CDYL2: variants seen among roughly 807,000 people sequenced by gnomAD.
CDYL2 encodes chromodomain Y like 2.
Under a neutral mutation model 49.4 loss-of-function variants are expected in CDYL2, and 23 were observed. The ratio of observed to expected loss-of-function variants is 0.47; its 90% confidence interval spans 0.34 to 0.66. CDYL2 has a LOEUF of 0.66. CDYL2 is among the 30% of genes least tolerant of loss of function. The pLI, the probability that CDYL2 is intolerant of heterozygous loss-of-function variation, is 0.01. For synonymous variants in CDYL2, 360 were observed against 268.8 expected (o/e 1.34, Z -3.32); for missense variants, 678 against 656.4 (o/e 1.03, Z -0.36).
intron 1 of CDYL2, among the ~76,000 whole-genome samples, chr16:80,715,990 T>C (rs1904785890): frequency 6.6e-6 from 1 of 152,258 alleles, no homozygotes; most frequent in Admixed American, 6.5e-5. Context: ...GGTTACGCCC[T>C]TGGGCAGAGA....
chr16:80,759,102 C>CTATA (rs59240300), intron 1 of CDYL2, among the ~76,000 whole-genome samples: 2,971 of 63,248 alleles, frequency 0.047, 134 homozygotes, highest in Middle Eastern at 0.064. Context: ...AAACCATATA[C>CTATA]TATATATATA....
At chr16:80,670,042 C>A (rs552461191) in intron 2 of CDYL2, among the ~76,000 whole-genome samples, 74 of 152,364 alleles carry the variant, frequency 4.9e-4, no homozygotes, top group African/African-American at 1.7e-3. Flanking sequence ...GCACAACAAC[C>A]TCATCAAGTA....
chr16:80,721,590 C>T (rs1162878723), intron 1 of CDYL2, among the ~76,000 whole-genome samples: 1 of 152,222 alleles, frequency 6.6e-6, no homozygotes, highest in African/African-American at 2.4e-5. Context: ...TGACCACTTT[C>T]TTCTAAGCAG....
chr16:80,762,720 C>T (rs1906574291), intron 1 of CDYL2, among the ~76,000 whole-genome samples: 1 of 152,144 alleles, frequency 6.6e-6, no homozygotes, highest in Non-Finnish European at 1.5e-5. Flanking sequence ...GTGGAAAATT[C>T]ATGTCATCAA....
intron 1 of CDYL2, among the ~76,000 whole-genome samples, chr16:80,803,703 AACCCCCGCCCCAC>A (rs1186921389): frequency 1.7e-5 from 2 of 117,658 alleles, no homozygotes; most frequent in Non-Finnish European, 3.6e-5. Flanking sequence ...CGGGCCGCGC[AACCCCCGCCCCAC>A]ACCCCCGCCG....
chr16:80,705,597 A>G (rs1028956470), intron 1 of CDYL2, among the ~76,000 whole-genome samples: 13 of 152,236 alleles, frequency 8.5e-5, no homozygotes, highest in African/African-American at 3.1e-4. Flanking sequence ...GCTATTATGA[A>G]TATTTTCCAC....
chr16:80,776,521 G>A (rs922369017), intron 1 of CDYL2, among the ~76,000 whole-genome samples: 2 of 151,158 alleles, frequency 1.3e-5, no homozygotes, highest in African/African-American at 2.4e-5. Flanking sequence ...ATTGATAATG[G>A]AATGTATAAA....
At chr16:80,773,541 C>T (rs1409646799) in intron 1 of CDYL2, among the ~76,000 whole-genome samples, 4 of 152,056 alleles carry the variant, frequency 2.6e-5, no homozygotes, top group Non-Finnish European at 4.4e-5. Flanking sequence ...GAAACATTTA[C>T]AAAAAGTAGT....
At chr16:80,670,211 C>T (rs1470962982) in intron 2 of CDYL2, among the ~76,000 whole-genome samples, 2 of 152,190 alleles carry the variant, frequency 1.3e-5, no homozygotes, top group African/African-American at 2.4e-5. Flanking sequence ...TGTGTCCCCA[C>T]CCAAATCTCA....
chr16:80,613,336 G>A (rs1383248667), intron 4 of CDYL2, among the ~76,000 whole-genome samples: 1 of 152,148 alleles, frequency 6.6e-6, no homozygotes, highest in Admixed American at 6.6e-5. Flanking sequence ...CATTCCTGGA[G>A]GTATTTGCAT....
chr16:80,619,934 T>G (rs1362319707), intron 4 of CDYL2, among the ~76,000 whole-genome samples: 2 of 152,198 alleles, frequency 1.3e-5, no homozygotes, highest in African/African-American at 4.8e-5. Context: ...CCATAGAGAC[T>G]GGAGGCCCCA....
chr16:80,614,221 T>G (rs1567540583), intron 4 of CDYL2, among the ~76,000 whole-genome samples: 1 of 152,318 alleles, frequency 6.6e-6, no homozygotes, highest in East Asian at 1.9e-4. Context: ...CTGTTTTCCC[T>G]CTTCTTCCCA....
At chr16:80,698,414 C>A (rs1335895150) in intron 1 of CDYL2, among the ~76,000 whole-genome samples, 1 of 152,070 alleles carries the variant, frequency 6.6e-6, no homozygotes, top group Non-Finnish European at 1.5e-5. Context: ...GAGCAAAAAA[C>A]CAAATAGCTG....
At chr16:80,728,130 C>T (rs1905223820) in intron 1 of CDYL2, among the ~76,000 whole-genome samples, 1 of 152,120 alleles carries the variant, frequency 6.6e-6, no homozygotes, top group African/African-American at 2.4e-5. Context: ...GAGAAGAAGG[C>T]TTCAGACGAT....
At chr16:80,770,823 C>T (rs1906880577) in intron 1 of CDYL2, among the ~76,000 whole-genome samples, 1 of 152,078 alleles carries the variant, frequency 6.6e-6, no homozygotes, top group Non-Finnish European at 1.5e-5. Context: ...AAGATTTTGT[C>T]TCATTCTTAA....
At chr16:80,772,251 G>A (rs1305101447) in intron 1 of CDYL2, among the ~76,000 whole-genome samples, 3 of 152,132 alleles carry the variant, frequency 2.0e-5, no homozygotes, top group South Asian at 2.1e-4. Context: ...ATAATTTCAG[G>A]TAGAAGGCTG....
chr16:80,760,280 G>A (rs1413758317), intron 1 of CDYL2, among the ~76,000 whole-genome samples: 1 of 152,130 alleles, frequency 6.6e-6, no homozygotes, highest in African/African-American at 2.4e-5. Flanking sequence ...CACTGCCTCT[G>A]GCTCATTAAA....
intron 2 of CDYL2, chr16:80,639,665 C>A (rs1435261099): frequency 2.2e-6 from 1 of 455,672 alleles, no homozygotes; most frequent in Admixed American, 2.3e-5. Context: ...CAGGTGAGCA[C>A]TCACAGGACC....
At chr16:80,697,416 G>A (rs959824933) in intron 1 of CDYL2, among the ~76,000 whole-genome samples, 3 of 152,030 alleles carry the variant, frequency 2.0e-5, no homozygotes, top group Admixed American at 6.6e-5. Context: ...GACAAGGAAC[G>A]TTCCTCAACA....
Sources: gnomAD v4.1 joint callset for allele counts (sites outside exome capture counted in the v4.1 genomes callset) on GRCh38, gnomAD v4.1.1 for gene constraint, MANE v1.5 for transcripts, NCBI Gene and HGNC (gene_info 2026-07-23, HGNC 2026-07-21) for gene names.